Variants in CYFIP1 observed in about 807,000 individuals in gnomAD.
CYFIP1 encodes the protein cytoplasmic FMR1-interacting protein 1.
CYFIP1 carries 58 observed loss-of-function variants against 163.5 expected under a neutral mutation model. The observed-to-expected ratio is 0.35, with a 90% CI of 0.29 to 0.44. The LOEUF (loss-of-function observed/expected upper bound fraction) is 0.44, where lower values mean the gene tolerates loss of function less well. CYFIP1 is among the 20% of genes least tolerant of loss of function. CYFIP1 has a pLI of 1.00. For synonymous variants in CYFIP1, 663 were observed against 660.7 expected, an observed-to-expected ratio of 1.00 and a Z score of -0.05; for missense variants, 1,338 against 1,653.8, an observed-to-expected ratio of 0.81 and a Z score of 3.31.
At chr15:22,882,791 G>T in intron 24 of CYFIP1, 77 bp downstream of exon 24, 1 of 1,524,182 alleles carries the variant, frequency 6.6e-7, no homozygotes, top group Non-Finnish European at 8.9e-7. Flanking sequence ...TCACAGTCCA[G>T]GCAGAGAAGA....
At chr15:22,925,864 G>A (rs1162712909) in intron 13 of CYFIP1, 118 bp downstream of exon 13, 8 of 1,426,024 alleles carry the variant, frequency 5.6e-6, no homozygotes, top group Non-Finnish European at 7.7e-6. Context: ...ATGGAAAGGG[G>A]TGCCCACACA....
At chr15:22,911,317 A>G (rs1421652186) in intron 18 of CYFIP1, among the ~76,000 whole-genome samples, 1 of 152,126 alleles carries the variant, frequency 6.6e-6, no homozygotes, top group Non-Finnish European at 1.5e-5. Flanking sequence ...GAGGGAGAAA[A>G]ATATTCCTAT....
intron 1 of CYFIP1, among the ~76,000 whole-genome samples, chr15:22,966,114 C>T (rs561567224): frequency 6.6e-6 from 1 of 151,816 alleles, no homozygotes; most frequent in East Asian, 1.9e-4. Flanking sequence ...TTTGGGAGGC[C>T]GAGGCGGGTG....
intron 11 of CYFIP1, among the ~76,000 whole-genome samples, chr15:22,928,310 G>A (rs1282114451): frequency 6.6e-6 from 1 of 152,184 alleles, no homozygotes; most frequent in Non-Finnish European, 1.5e-5. Flanking sequence ...GTGAGCCCGG[G>A]AGGCGGAGCT....
intron 1 of CYFIP1, among the ~76,000 whole-genome samples, chr15:22,969,928 A>C (rs2140250133): frequency 6.6e-6 from 1 of 152,322 alleles, no homozygotes; most frequent in East Asian, 1.9e-4. Flanking sequence ...TATGATAAAA[A>C]GGTAGTCCCT....
chr15:22,953,752 T>A (rs1230091510), intron 1 of CYFIP1, among the ~76,000 whole-genome samples: 5 of 152,204 alleles, frequency 3.3e-5, no homozygotes, highest in Non-Finnish European at 7.3e-5. Flanking sequence ...GCCAGCACTT[T>A]AGAGTTTAAC....
At chr15:22,958,844 T>C (rs2062575337) in intron 1 of CYFIP1, among the ~76,000 whole-genome samples, 1 of 152,198 alleles carries the variant, frequency 6.6e-6, no homozygotes. Context: ...AGCAGTTCTG[T>C]CTTTATCTGT....
chr15:22,927,768 C>A, intron 12 of CYFIP1, 138 bp downstream of exon 12: 1 of 811,292 alleles, frequency 1.2e-6, no homozygotes. Flanking sequence ...TACTTAAAAT[C>A]ACCTTGGAAA....
chr15:22,900,603 G>A (rs946619219), intron 22 of CYFIP1, among the ~76,000 whole-genome samples: 5 of 151,638 alleles, frequency 3.3e-5, no homozygotes, highest in South Asian at 2.1e-4. Context: ...GGGTTTCACC[G>A]TGTTAGCCAG....
At chr15:22,946,311 A>G (rs544816206) in intron 3 of CYFIP1, among the ~76,000 whole-genome samples, 176 of 152,016 alleles carry the variant, frequency 1.2e-3, no homozygotes, top group African/African-American at 4.2e-3. Context: ...TCAAAAAAAA[A>G]AAAGAAAGAA....
chr15:22,883,816 CAAAAAA>C (rs34623284), intron 23 of CYFIP1, among the ~76,000 whole-genome samples: 1 of 74,916 alleles, frequency 1.3e-5, no homozygotes, highest in East Asian at 4.3e-4. Context: ...GACTTCATCT[CAAAAAA>C]AAAAAAAAAA....
chr15:22,889,820 T>C (rs1036046922), intron 23 of CYFIP1, among the ~76,000 whole-genome samples: 6 of 152,208 alleles, frequency 3.9e-5, no homozygotes, highest in African/African-American at 1.4e-4. Context: ...GCAAATCTTT[T>C]AGTTCACAGA....
chr15:22,960,716 G>A (rs755719024), intron 1 of CYFIP1, among the ~76,000 whole-genome samples: 7 of 151,898 alleles, frequency 4.6e-5, no homozygotes, highest in Non-Finnish European at 7.4e-5. Flanking sequence ...GCTTCAGGGC[G>A]GCCCGCCCTC....
In CYFIP1 at chr15:22,930,381, G is replaced by A. The variant is rs146589080; in HGVS notation, c.1110+1842C>T. On this transcript the variant is annotated intron_variant, in intron 11 of 30. Transcript: ENST00000617928. The stretch of plus-strand genomic sequence containing the variant: ...AGCCTGGGCGACACAGCAAGACTCC[G>A]TCTCACCCAAAAAAAAAAAAAAAAA... Among the ~76,000 whole-genome samples, 947 of 115,826 alleles carry A rather than the reference G, an allele frequency of 8.2e-3. 8 individuals carry two copies. Among genetic ancestry groups the A allele is most frequent in the African/African-American group, 0.029 (907 of 31,638 alleles). The allele number at this position is 115,826 out of a possible 152,430, so 76.0% of individuals were successfully genotyped here.
At chr15:22,888,572 A>T (rs2059985674) in intron 23 of CYFIP1, among the ~76,000 whole-genome samples, 1 of 151,852 alleles carries the variant, frequency 6.6e-6, no homozygotes, top group African/African-American at 2.4e-5. Flanking sequence ...TCTCTACAAA[A>T]AACACAAAAA....
At chr15:22,949,223 C>A (rs1050941566) in intron 1 of CYFIP1, among the ~76,000 whole-genome samples, 9 of 152,106 alleles carry the variant, frequency 5.9e-5, no homozygotes, top group African/African-American at 2.2e-4. Context: ...GCCGCGGATT[C>A]CCCCCGGGGA....
chr15:22,888,551 G>A (rs1177674382), intron 23 of CYFIP1, among the ~76,000 whole-genome samples: 2 of 151,924 alleles, frequency 1.3e-5, no homozygotes, highest in Non-Finnish European at 2.9e-5. Flanking sequence ...GTGCAACATG[G>A]TGAAATCCCA....
chr15:22,900,293 G>A (rs966350164), intron 22 of CYFIP1, among the ~76,000 whole-genome samples: 16 of 152,052 alleles, frequency 1.1e-4, no homozygotes, highest in African/African-American at 3.9e-4. Context: ...TGAGGTCACC[G>A]CCAGAAGTAA....
At chr15:22,938,696 A>G (rs796450134) in intron 8 of CYFIP1, among the ~76,000 whole-genome samples, 21 of 152,200 alleles carry the variant, frequency 1.4e-4, no homozygotes, top group African/African-American at 4.8e-4. Flanking sequence ...TGAGCCCAGG[A>G]GTTTGAGAAC....
Sources: gnomAD v4.1 joint callset for allele counts (sites outside exome capture counted in the v4.1 genomes callset) on GRCh38, gnomAD v4.1.1 for gene constraint, MANE v1.5 for transcripts, NCBI Gene and HGNC (gene_info 2026-07-23, HGNC 2026-07-21) for gene names.